The following AGAP1 variants were observed in gnomAD, a reference collection of about 807,000 sequenced individuals.
The protein encoded by AGAP1 is ArfGAP with GTPase domain, ankyrin repeat and PH domain 1, also known as arf-GAP with GTPase, ANK repeat and PH domain-containing protein 1.
In AGAP1, 29 loss-of-function variants were observed where a neutral mutation model predicts 105.3. The observed-to-expected ratio is 0.28, with a 90% confidence interval of 0.21 to 0.38. AGAP1 has a LOEUF of 0.38. Among genes scored for constraint, AGAP1 ranks in the 10% least tolerant of loss-of-function variants. The pLI is 1.00. For synonymous variants in AGAP1, 509 were observed against 485.9 expected (o/e 1.05, Z -0.63); for missense variants, 998 against 1,165.1 (o/e 0.86, Z 2.09).
At chr2:235,593,157 T>C (rs996932333) in intron 1 of AGAP1, among the ~76,000 whole-genome samples, 1 of 152,134 alleles carries the variant, frequency 6.6e-6, no homozygotes, top group African/African-American at 2.4e-5. Flanking sequence ...GAGATGTAAA[T>C]TGGAATCACC....
rs2050547069 is a variant in AGAP1 at position 235,891,623 on chromosome 2, G to A, written c.1155+8174G>A. Among the ~76,000 whole-genome samples the A allele has an allele frequency of 1.3e-5, 2 of 152,180 alleles. No individual in the cohort carries two copies. Among genetic ancestry groups the A allele is most frequent in the African/African-American group, 4.8e-5 (2 of 41,458 alleles). ...CGCAAGCACGGCCGTCGAGTGCAAG[G>A]CTGCAATTCCCTGCTGACAAAGATG... On this transcript the variant is annotated intron_variant, in intron 10 of 17. Coordinates refer to ENST00000304032, the MANE Select transcript of AGAP1 (RefSeq NM_001037131.3). This position sits in a 1 kb window ranked among gnomAD's most constrained non-coding sequence, Gnocchi z 4.2.
chr2:235,771,066 G>A (rs1881190), intron 6 of AGAP1, among the ~76,000 whole-genome samples: 2 of 152,146 alleles, frequency 1.3e-5, no homozygotes, highest in Admixed American at 1.3e-4. Flanking sequence ...CCAGGAGTGC[G>A]GCCGCCGCAG....
In AGAP1 at chr2:235,774,879, T is replaced by TTCACC. The variant is rs150744844; in HGVS notation, c.674-22877_674-22873dup. ...GCGCCTGCATTCACTCGCCCATTCA[T>TTCACC]TCACCTCCTGTGCTTGTCACCAGGC... On this transcript the variant is annotated intron_variant, in intron 6 of 17. Coordinates refer to ENST00000304032, the MANE Select transcript of AGAP1 (RefSeq NM_001037131.3). 2.5e-3 allele frequency among the ~76,000 whole-genome samples: 374 copies of TTCACC among 152,336 alleles called. 1 individual carries two copies. The highest frequency in any genetic ancestry group is 8.7e-3 in the African/African-American group (363 of 41,582).
chr2:235,707,852 G>A (rs1334454927), intron 1 of AGAP1, among the ~76,000 whole-genome samples: 4 of 150,998 alleles, frequency 2.6e-5, no homozygotes, highest in South Asian at 4.2e-4. Context: ...CCCCCAGTGT[G>A]TGACATGGTA....
chr2:235,831,091 C>T (rs1176165864), intron 9 of AGAP1, among the ~76,000 whole-genome samples: 1 of 151,834 alleles, frequency 6.6e-6, no homozygotes, highest in Non-Finnish European at 1.5e-5. Context: ...GGTACCAGCA[C>T]CTGCTGGCTG....
intron 1 of AGAP1, among the ~76,000 whole-genome samples, chr2:235,607,380 T>C (rs144165281): frequency 5.1e-4 from 77 of 152,354 alleles, no homozygotes; most frequent in African/African-American, 1.3e-3. Flanking sequence ...CTCACAGTTA[T>C]GTGGAAATCT....
intron 8 of AGAP1, among the ~76,000 whole-genome samples, chr2:235,803,319 AATC>A (rs1179311724): frequency 6.6e-6 from 1 of 152,218 alleles, no homozygotes; most frequent in Non-Finnish European, 1.5e-5. Context: ...TTAATTGTGA[AATC>A]ATAGCAATTA....
intron 16 of AGAP1, among the ~76,000 whole-genome samples, chr2:236,085,215 C>CA (rs144353985): frequency 0.27 from 14,138 of 53,298 alleles, 1,420 homozygotes; most frequent in African/African-American, 0.36. Flanking sequence ...GACTCCGTCT[C>CA]AAAAAAAAAA....
chr2:235,661,841 C>T (rs955380404), intron 1 of AGAP1, among the ~76,000 whole-genome samples: 3 of 152,118 alleles, frequency 2.0e-5, no homozygotes, highest in Non-Finnish European at 4.4e-5. Context: ...CAGTGATGTC[C>T]CTTGGCCTCT....
intron 1 of AGAP1, among the ~76,000 whole-genome samples, chr2:235,702,934 G>GTTTTTTTTTTTTTTTT (rs549844265): frequency 0.015 from 1,357 of 88,686 alleles, 168 homozygotes; most frequent in East Asian, 0.041. Context: ...AGTTTTCTTG[G>GTTTTTTTTTTTTTTTT]TTTTTTTTTT....
At chr2:236,031,102 C>G (rs1216390567) in intron 13 of AGAP1, among the ~76,000 whole-genome samples, 1 of 152,126 alleles carries the variant, frequency 6.6e-6, no homozygotes, top group Non-Finnish European at 1.5e-5. Flanking sequence ...GAAACATCCA[C>G]AGGCATTTTA....
intron 12 of AGAP1, among the ~76,000 whole-genome samples, chr2:235,942,541 G>A (rs1159368705): frequency 1.3e-5 from 2 of 151,966 alleles, no homozygotes; most frequent in African/African-American, 4.8e-5. Context: ...GCCAGGCATG[G>A]TGGAACATGC....
At position 236,040,358 on chromosome 2, in the gene AGAP1, G is replaced by A. The variant is rs1186433536; in HGVS notation, c.1801-393G>A. Among the ~76,000 whole-genome samples, 4 of 152,100 alleles carry A rather than the reference G, an allele frequency of 2.6e-5. No individual in the cohort carries two copies. The highest frequency in any genetic ancestry group is 7.2e-5 in the African/African-American group (3 of 41,408). On this transcript the variant is annotated intron_variant, in intron 14 of 17. Transcript: ENST00000304032. This position sits in a 1 kb window ranked among gnomAD's most constrained non-coding sequence, Gnocchi z 5.6. The stretch of plus-strand genomic sequence containing the variant: ...ACATTGCTGATGAAGCCCTAACCCT[G>A]GGCTTATAAACGGATTATTTCTTTC...
intron 16 of AGAP1, among the ~76,000 whole-genome samples, chr2:236,064,579 G>C (rs1274783632): frequency 6.6e-6 from 1 of 152,210 alleles, no homozygotes; most frequent in Non-Finnish European, 1.5e-5. Context: ...CTGGACAACA[G>C]AGCGGGACTC....
chr2:235,777,086 C>T lies in AGAP1; in HGVS notation c.674-20673C>T, dbSNP rs746174196. The T allele has an allele frequency of 1.3e-5, 6 of 470,766 alleles. No homozygotes were observed. Among genetic ancestry groups the T allele is most frequent in the South Asian group, 4.7e-5 (3 of 64,514 alleles). 29.2% of individuals were successfully genotyped at this position (470,766 alleles called of 1,614,324 possible). On this transcript the variant is annotated intron_variant, in intron 6 of 17. Transcript: ENST00000304032. The surrounding 1 kb of genome is among the most constrained non-coding windows in gnomAD (Gnocchi z 5.1). ...TATTAGACAGAAGTGATGCTGGGCG[C>T]GGTGGCTCATGCCTGTAATTCCAGC...
In AGAP1 at chr2:236,131,071, G is replaced by T. The variant is rs535168958; in HGVS notation, c.*6949G>T. On this transcript the variant is annotated 3_prime_UTR_variant, in exon 18 of 18. Coordinates refer to ENST00000304032, the MANE Select transcript of AGAP1 (RefSeq NM_001037131.3). The surrounding 1 kb of genome is among the most constrained non-coding windows in gnomAD (Gnocchi z 5.9). ...GGGGGAGAGGGACCAGCACTGTAACGTTAGAAATAATTCCTTCTTGCAGAC... is the reference window on the plus strand; with the variant it reads ...GGGGGAGAGGGACCAGCACTGTAACTTTAGAAATAATTCCTTCTTGCAGAC... 5 of 152,232 alleles carry T rather than the reference G, an allele frequency of 3.3e-5. No homozygotes were observed. The highest frequency in any genetic ancestry group is 7.3e-5 in the Non-Finnish European group (5 of 68,052). 9.4% of individuals were successfully genotyped at this position (152,232 alleles called of 1,614,324 possible).
At position 236,095,447 on chromosome 2, in the gene AGAP1, G is replaced by C. The variant is rs924248014; in HGVS notation, c.2115-24745G>C. Among the ~76,000 whole-genome samples the C allele has an allele frequency of 6.6e-6, 1 of 152,122 alleles. No individual in the cohort carries two copies. The highest frequency in any genetic ancestry group is 6.6e-5 in the Admixed American group (1 of 15,254). On this transcript the variant is annotated intron_variant, in intron 16 of 17. Coordinates refer to ENST00000304032, the MANE Select transcript of AGAP1 (RefSeq NM_001037131.3). The surrounding 1 kb of genome is among the most constrained non-coding windows in gnomAD (Gnocchi z 4.1). ...TAATCCCAGCACTTTTGGAGGCTGA[G>C]GCTGGAGGATCACTTGAGCACAGGA... is the stretch of plus-strand genomic sequence containing the variant.
chr2:235,680,701 G>A (rs903729155), intron 1 of AGAP1, among the ~76,000 whole-genome samples: 45 of 152,062 alleles, frequency 3.0e-4, no homozygotes, highest in African/African-American at 9.7e-4. Flanking sequence ...GCATCCTGGC[G>A]CGGGTCTCCT....
Position 235,717,600 on chromosome 2 carries a change from A to C in AGAP1, c.266A>C (p.His89Pro), listed in dbSNP as rs1240238032. 1 of 1,604,878 alleles carries C rather than the reference A, an allele frequency of 6.2e-7. No homozygotes were observed. Among genetic ancestry groups the C allele is most frequent in the Non-Finnish European group, 8.5e-7 (1 of 1,178,090 alleles). The change falls in exon 3 of 18, where the codon CAC (histidine) becomes CCC (proline). Residue 89 changes from histidine to proline, a missense_variant. Coordinates refer to ENST00000304032, the MANE Select transcript of AGAP1 (RefSeq NM_001037131.3). Reference sequence around the variant, plus strand: ...GCCAGCGGCAAGTCTGCCCTGGTGCACCGGTACCTGACGGGCACATATGTC... The same window carrying C: ...GCCAGCGGCAAGTCTGCCCTGGTGCCCCGGTACCTGACGGGCACATATGTC... The part of the protein sequence containing the change: ...NLASGKSALV[H>P]RYLTGTYVQE...
Sources: allele counts gnomAD v4.1 joint callset (sites outside exome capture counted in the v4.1 genomes callset), GRCh38; gene constraint gnomAD v4.1.1; non-coding constraint Gnocchi (gnomAD v3.1); transcripts MANE v1.5; gene names NCBI Gene and HGNC (gene_info 2026-07-23, HGNC 2026-07-21).